Variants in DSCAML1 observed in about 807,000 individuals in gnomAD.
The protein encoded by DSCAML1 is cell adhesion molecule DSCAML1.
DSCAML1 carries 38 observed loss-of-function variants against 200.5 expected under a neutral mutation model. The ratio of observed to expected loss-of-function variants is 0.19; its 90% CI spans 0.15 to 0.25. The LOEUF (loss-of-function observed/expected upper bound fraction) is 0.25, where lower values mean the gene tolerates loss of function less well. DSCAML1 is among the 10% of genes least tolerant of loss of function. The pLI, the probability that DSCAML1 is intolerant of heterozygous loss-of-function variation, is 1.00. For synonymous variants in DSCAML1, 1,215 were observed against 1,165.0 expected (o/e 1.04, Z -0.87); for missense variants, 2,223 against 2,858.8 (o/e 0.78, Z 5.07).
intron 8 of DSCAML1, among the ~76,000 whole-genome samples, chr11:117,509,268 A>T (rs936121460): frequency 6.6e-6 from 1 of 152,056 alleles, no homozygotes; most frequent in Non-Finnish European, 1.5e-5. Context: ...CAAACAATAC[A>T]TGGGGTGAAG....
intron 3 of DSCAML1, among the ~76,000 whole-genome samples, chr11:117,650,777 G>A (rs940964084): frequency 6.6e-6 from 1 of 151,964 alleles, no homozygotes; most frequent in African/African-American, 2.4e-5. Context: ...AGGGGTGGTT[G>A]AGGGCTGCTC....
intron 3 of DSCAML1, among the ~76,000 whole-genome samples, chr11:117,701,182 C>T (rs919840358): frequency 2.3e-4 from 35 of 152,162 alleles, no homozygotes; most frequent in African/African-American, 8.0e-4. Context: ...AGGAGAATTG[C>T]TGGAACCCGG....
chr11:117,686,086 C>T (rs1248112296), intron 3 of DSCAML1, among the ~76,000 whole-genome samples: 1 of 152,164 alleles, frequency 6.6e-6, no homozygotes, highest in Non-Finnish European at 1.5e-5. Flanking sequence ...AATTGAGGTA[C>T]CAGGTTCCCT....
intron 3 of DSCAML1, among the ~76,000 whole-genome samples, chr11:117,658,586 T>C (rs1160097035): frequency 3.9e-5 from 6 of 152,178 alleles, no homozygotes; most frequent in Non-Finnish European, 7.3e-5. Flanking sequence ...AGTATGTGGA[T>C]CCATGGGTCA....
intron 3 of DSCAML1, among the ~76,000 whole-genome samples, chr11:117,583,156 G>T (rs1430189717): frequency 1.3e-5 from 2 of 151,872 alleles, no homozygotes; most frequent in African/African-American, 2.4e-5. Flanking sequence ...CATGCTGATG[G>T]GCGGGGCCTG....
intron 3 of DSCAML1, among the ~76,000 whole-genome samples, chr11:117,670,942 G>A (rs1229962902): frequency 6.6e-6 from 1 of 152,150 alleles, no homozygotes; most frequent in African/African-American, 2.4e-5. Flanking sequence ...GAGGAAGTTG[G>A]ACCGGAATTC....
At chr11:117,430,096 C>T (rs931580618) in intron 32 of DSCAML1, among the ~76,000 whole-genome samples, 1 of 152,194 alleles carries the variant, frequency 6.6e-6, no homozygotes, top group African/African-American at 2.4e-5. Context: ...CGCTGTGACC[C>T]CAGCATCTGC....
chr11:117,602,082 T>G (rs755428579), intron 3 of DSCAML1, among the ~76,000 whole-genome samples: 9 of 152,266 alleles, frequency 5.9e-5, no homozygotes, highest in Non-Finnish European at 1.3e-4. Context: ...CGACTCTATC[T>G]CTGTTCCTAC....
intron 8 of DSCAML1, among the ~76,000 whole-genome samples, chr11:117,513,729 A>G (rs1447519207): frequency 6.8e-6 from 1 of 147,962 alleles, no homozygotes; most frequent in Non-Finnish European, 1.5e-5. Context: ...TGACAGAGCA[A>G]GACTCTATCT....
At chr11:117,472,684 C>T (rs497548) in intron 14 of DSCAML1, among the ~76,000 whole-genome samples, 47,249 of 151,782 alleles carry the variant, frequency 0.31, 8,034 homozygotes, top group East Asian at 0.48. Context: ...CACGATTTAT[C>T]CAGGGAGACT....
intron 3 of DSCAML1, among the ~76,000 whole-genome samples, chr11:117,597,973 A>G (rs145547958): frequency 6.6e-6 from 1 of 152,330 alleles, no homozygotes; most frequent in Non-Finnish European, 1.5e-5. Context: ...AGCGTATAGA[A>G]ATATGCCTGG....
rs190756072 is a variant in DSCAML1 at position 117,814,924 on chromosome 11, G to A, written c.-250+2466C>T. On this transcript the variant is annotated intron_variant, in intron 1 of 2. Transcript: ENST00000525836. The stretch of plus-strand genomic sequence containing the variant: ...GAGACCTGAAGTAGTATTTACTGGA[G>A]AGCCGAGGACACCGGGTTCCCGTGT... 2.2e-4 allele frequency among the ~76,000 whole-genome samples: 33 copies of A among 152,350 alleles called. No individual in the cohort carries two copies. The East Asian group carries it at 4.8e-3, about 22-fold the overall frequency.
chr11:117,752,832 C>T (rs950415950), intron 3 of DSCAML1, among the ~76,000 whole-genome samples: 1 of 152,188 alleles, frequency 6.6e-6, no homozygotes, highest in African/African-American at 2.4e-5. Context: ...TGTGGTGCGG[C>T]GAGGACACCC....
intron 1 of DSCAML1, among the ~76,000 whole-genome samples, chr11:117,789,611 C>A (rs992632384): frequency 5.3e-5 from 8 of 152,094 alleles, no homozygotes; most frequent in African/African-American, 1.9e-4. Context: ...CATGAAGCAC[C>A]GAAACGATGT....
At chr11:117,636,996 C>T (rs1408136586) in intron 3 of DSCAML1, among the ~76,000 whole-genome samples, 1 of 152,100 alleles carries the variant, frequency 6.6e-6, no homozygotes, top group East Asian at 1.9e-4. Flanking sequence ...CTGGTTTTTC[C>T]ATTAGCCGTG....
intron 3 of DSCAML1, among the ~76,000 whole-genome samples, chr11:117,644,969 G>A (rs976264011): frequency 1.7e-4 from 26 of 152,348 alleles, no homozygotes; most frequent in Middle Eastern, 3.4e-3. Context: ...CCCGCAGGCC[G>A]CCTCAGAGTC....
chr11:117,760,471 C>T (rs948482901), intron 3 of DSCAML1, among the ~76,000 whole-genome samples: 6 of 152,196 alleles, frequency 3.9e-5, no homozygotes, highest in African/African-American at 1.4e-4. Context: ...GTACAAATGG[C>T]ACCATAATGT....
intron 3 of DSCAML1, among the ~76,000 whole-genome samples, chr11:117,649,003 A>ATC (rs1287532685): frequency 6.9e-6 from 1 of 144,556 alleles, no homozygotes; most frequent in East Asian, 2.1e-4. Flanking sequence ...TGCTTTACTT[A>ATC]TCTCTCTCTC....
intron 20 of DSCAML1, 125 bp downstream of exon 20, chr11:117,450,424 T>G (rs2048262979): frequency 7.3e-7 from 1 of 1,362,898 alleles, no homozygotes; most frequent in Non-Finnish European, 9.9e-7. Flanking sequence ...CCCATTCTTA[T>G]CTATGAATCC....
Sources: allele counts gnomAD v4.1 joint callset (sites outside exome capture counted in the v4.1 genomes callset), GRCh38; gene constraint gnomAD v4.1.1; transcripts MANE v1.5; gene names NCBI Gene and HGNC (gene_info 2026-07-23, HGNC 2026-07-21).